The following DNAH11 variants were observed in gnomAD, a reference collection of about 807,000 sequenced individuals.
The protein encoded by DNAH11 is axonemal beta dynein heavy chain 11.
DNAH11 carries 442 observed loss-of-function variants against 526.0 expected under a neutral mutation model. That is an observed-to-expected ratio of 0.84 (90% confidence interval 0.78 to 0.91). The LOEUF is 0.91. Ranked by LOEUF, DNAH11 falls within the 40% of genes least tolerant of loss-of-function variation. DNAH11 has a pLI of 0.00. For missense variants in DNAH11, 6,989 were observed against 5,448.7 expected (o/e 1.28, Z -8.90); for synonymous variants, 2,461 against 1,935.9 (o/e 1.27, Z -7.12).
intron 61 of DNAH11, among the ~76,000 whole-genome samples, chr7:21,799,699 G>A (rs1220093035): frequency 1.3e-5 from 2 of 152,006 alleles, no homozygotes; most frequent in Non-Finnish European, 2.9e-5. Context: ...TAAAGTTAAT[G>A]CTATTTTGCA....
intron 62 of DNAH11, among the ~76,000 whole-genome samples, chr7:21,802,617 T>G (rs79001444): frequency 0.02 from 3,007 of 152,266 alleles, 103 homozygotes; most frequent in African/African-American, 0.068. Flanking sequence ...CCATATAATG[T>G]TAATAGCATT....
At chr7:21,898,765 C>A (rs1300295706) in intron 79 of DNAH11, among the ~76,000 whole-genome samples, 1 of 152,200 alleles carries the variant, frequency 6.6e-6, no homozygotes, top group East Asian at 1.9e-4. Flanking sequence ...CGTTTCTCAA[C>A]CCACCGGCGT....
At chr7:21,867,181 T>C (rs1464275742) in intron 71 of DNAH11, among the ~76,000 whole-genome samples, 1 of 152,226 alleles carries the variant, frequency 6.6e-6, no homozygotes, top group African/African-American at 2.4e-5. Context: ...GGCTTCTAAA[T>C]GGTAATGTGC....
intron 54 of DNAH11, among the ~76,000 whole-genome samples, chr7:21,754,881 AC>A (rs1786562532): frequency 6.6e-6 from 1 of 152,070 alleles, no homozygotes; most frequent in African/African-American, 2.4e-5. Flanking sequence ...TATGTATGTT[AC>A]CCCCACATCC....
At chr7:21,832,423 G>A (rs142551984) in intron 65 of DNAH11, among the ~76,000 whole-genome samples, 7 of 152,294 alleles carry the variant, frequency 4.6e-5, no homozygotes, top group Admixed American at 1.3e-4. Flanking sequence ...CTTCGCTTAT[G>A]AAGCTTAGTT....
At chr7:21,759,821 A>C (rs1308882553) in intron 54 of DNAH11, among the ~76,000 whole-genome samples, 1 of 152,232 alleles carries the variant, frequency 6.6e-6, no homozygotes, top group Non-Finnish European at 1.5e-5. Flanking sequence ...CATATTACAA[A>C]GCACAGGGAA....
intron 2 of DNAH11, among the ~76,000 whole-genome samples, chr7:21,553,068 G>A (rs1466950055): frequency 8.0e-6 from 1 of 125,632 alleles, no homozygotes; most frequent in Non-Finnish European, 1.5e-5. Context: ...AGTATAAATG[G>A]GATTTTTTTT....
At chr7:21,833,777 T>G (rs1315138995) in intron 65 of DNAH11, among the ~76,000 whole-genome samples, 1 of 152,154 alleles carries the variant, frequency 6.6e-6, no homozygotes, top group Non-Finnish European at 1.5e-5. Context: ...TAAGTTTTAT[T>G]GTAGAGATGC....
At chr7:21,547,998 C>T (rs1371198383) in intron 2 of DNAH11, among the ~76,000 whole-genome samples, 2 of 152,198 alleles carry the variant, frequency 1.3e-5, no homozygotes, top group Non-Finnish European at 1.5e-5. Flanking sequence ...AGGAATACGA[C>T]ATCCCATTGC....
At chr7:21,725,782 G>A in intron 44 of DNAH11, 29 bp from the exon 45 acceptor site, 2 of 1,585,694 alleles carry the variant, frequency 1.3e-6, no homozygotes, top group Non-Finnish European at 1.7e-6. Flanking sequence ...CTTTGAGTCT[G>A]CAATAAGGAT....
chr7:21,800,283 C>A (rs185398033), intron 61 of DNAH11, among the ~76,000 whole-genome samples: 169 of 152,290 alleles, frequency 1.1e-3, no homozygotes, highest in African/African-American at 3.9e-3. Context: ...CCTCCCAGGT[C>A]TTTCAATGCT....
intron 66 of DNAH11, among the ~76,000 whole-genome samples, chr7:21,851,798 G>T (rs1782651579): frequency 6.6e-6 from 1 of 152,148 alleles, no homozygotes; most frequent in African/African-American, 2.4e-5. Flanking sequence ...GTTCTCTGAT[G>T]TATGTAGGAA....
chr7:21,897,634 T>C (rs1784569470), intron 79 of DNAH11, among the ~76,000 whole-genome samples: 1 of 152,212 alleles, frequency 6.6e-6, no homozygotes, highest in African/African-American at 2.4e-5. Context: ...CACTTTTTTT[T>C]TGAGAGATTC....
intron 66 of DNAH11, among the ~76,000 whole-genome samples, chr7:21,852,173 G>C (rs12671914): frequency 6.6e-6 from 1 of 152,246 alleles, no homozygotes; most frequent in South Asian, 2.1e-4. Flanking sequence ...GGGAGGCCTA[G>C]GTGGGTGGAT....
rs780492669 is a variant in DNAH11, at chr7:21,738,842, G to A, written c.7787G>A (p.Arg2596Gln). 1.7e-5 allele frequency: 28 copies of A among 1,601,980 alleles called. 1 individual carries two copies. The highest frequency in any genetic ancestry group is 6.7e-5 in the African/African-American group (5 of 74,452). The part of the protein sequence containing the change: ...YGTVQPHTLI[R>Q]QHIDYGHWYD... Reference sequence around the variant, plus strand: ...ACCGTTCAGCCTCACACCCTGATCCGGCAGCATATTGATTATGGACATTGG... The same window carrying A: ...ACCGTTCAGCCTCACACCCTGATCCAGCAGCATATTGATTATGGACATTGG... Residue 2596 changes from arginine (R) to glutamine (Q), a missense_variant, in exon 47 of 82, where the codon CGG (arginine) becomes CAG (glutamine). Physicochemically the swap from Arg to Gln is conservative, Grantham distance 43. Coordinates refer to ENST00000409508, the MANE Select transcript of DNAH11 (RefSeq NM_001277115.2).
chr7:21,740,369 G>A (rs952045651), intron 48 of DNAH11, among the ~76,000 whole-genome samples: 3 of 152,034 alleles, frequency 2.0e-5, no homozygotes, highest in Non-Finnish European at 4.4e-5. Flanking sequence ...TCCACCCACT[G>A]AGCTCCCCTT....
intron 36 of DNAH11, 78 bp from the exon 37 acceptor site, chr7:21,702,632 C>G: frequency 8.0e-7 from 1 of 1,249,594 alleles, no homozygotes; most frequent in Non-Finnish European, 1.1e-6. Context: ...TTCTTAAAAA[C>G]TTTCAGCTCT....
intron 65 of DNAH11, among the ~76,000 whole-genome samples, chr7:21,838,958 A>C (rs552709554): frequency 6.6e-6 from 1 of 152,270 alleles, no homozygotes; most frequent in East Asian, 1.9e-4. Flanking sequence ...TCCCATTAGC[A>C]GTGTATGAGG....
At chr7:21,751,264 C>T (rs2128493352) in intron 54 of DNAH11, among the ~76,000 whole-genome samples, 1 of 152,250 alleles carries the variant, frequency 6.6e-6, no homozygotes, top group South Asian at 2.1e-4. Flanking sequence ...GCAGAGGTTG[C>T]AGTGAGCCAA....
Sources: gnomAD v4.1 joint callset for allele counts (sites outside exome capture counted in the v4.1 genomes callset) on GRCh38, gnomAD v4.1.1 for gene constraint, MANE v1.5 for transcripts, NCBI Gene and HGNC (gene_info 2026-07-23, HGNC 2026-07-21) for gene names.